ARSB: variants seen among roughly 807,000 people sequenced by gnomAD.
ARSB encodes N-acetylgalactosamine-4-sulfatase.
ARSB carries 41 observed loss-of-function variants against 50.9 expected under a neutral mutation model. The ratio of observed to expected loss-of-function variants is 0.81; its 90% CI spans 0.63 to 1.04. The LOEUF is 1.04. Ranked by LOEUF, ARSB falls within the 50% of genes least tolerant of loss-of-function variation. The pLI is 0.00. For synonymous variants in ARSB, 269 were observed against 284.8 expected (o/e 0.94, Z 0.56); for missense variants, 672 against 693.3 (o/e 0.97, Z 0.35).
intron 4 of ARSB, among the ~76,000 whole-genome samples, chr5:78,951,979 C>A (rs965845158): frequency 6.6e-6 from 1 of 152,104 alleles, no homozygotes; most frequent in African/African-American, 2.4e-5. Context: ...TAAATGAAAC[C>A]CTAGCAAACT....
chr5:78,865,110 A>AGGGGGTGACCTAGTAG (rs56143814), intron 5 of ARSB, among the ~76,000 whole-genome samples: 4 of 151,838 alleles, frequency 2.6e-5, no homozygotes, highest in Non-Finnish European at 4.4e-5. Flanking sequence ...CAGCTCCACT[A>AGGGGGTGACCTAGTAG]GGACTCCGTA....
chr5:78,800,394 C>A (rs984639570), intron 6 of ARSB, among the ~76,000 whole-genome samples: 1 of 151,600 alleles, frequency 6.6e-6, no homozygotes, highest in African/African-American at 2.4e-5. Flanking sequence ...GGAGCACTCA[C>A]AGACTCCCCT....
intron 6 of ARSB, among the ~76,000 whole-genome samples, chr5:78,829,169 G>A (rs977592420): frequency 3.9e-5 from 6 of 152,364 alleles, no homozygotes; most frequent in Admixed American, 3.3e-4. Flanking sequence ...TGAGACCCAT[G>A]TCAGACTTCT....
At chr5:78,980,716 G>T (rs1005079068) in intron 1 of ARSB, among the ~76,000 whole-genome samples, 1 of 148,008 alleles carries the variant, frequency 6.8e-6, no homozygotes, top group African/African-American at 2.5e-5. Flanking sequence ...GGAACTGAAT[G>T]TCTAAGGAAG....
chr5:78,842,138 C>A (rs558200214), intron 5 of ARSB, among the ~76,000 whole-genome samples: 1 of 152,074 alleles, frequency 6.6e-6, no homozygotes, highest in South Asian at 2.1e-4. Context: ...TAAGAAGGCA[C>A]AGAAACTGCA....
chr5:78,886,745 AAC>A (rs2112216397), intron 4 of ARSB, among the ~76,000 whole-genome samples: 1 of 152,084 alleles, frequency 6.6e-6, no homozygotes, highest in African/African-American at 2.4e-5. Context: ...CATTTTAAAT[AAC>A]ACATATTTTG....
At chr5:78,806,246 A>G (rs946496945) in intron 6 of ARSB, among the ~76,000 whole-genome samples, 1 of 152,240 alleles carries the variant, frequency 6.6e-6, no homozygotes, top group Non-Finnish European at 1.5e-5. Context: ...ATACAAAACA[A>G]TAACAAAGTC....
intron 5 of ARSB, among the ~76,000 whole-genome samples, chr5:78,849,714 G>C (rs1472358712): frequency 1.4e-5 from 2 of 144,036 alleles, no homozygotes; most frequent in East Asian, 2.0e-4. Context: ...TCTTCCATTT[G>C]TTTGTATCCT....
At chr5:78,830,937 A>G (rs1744644097) in intron 6 of ARSB, among the ~76,000 whole-genome samples, 6 of 152,154 alleles carry the variant, frequency 3.9e-5, no homozygotes, top group Admixed American at 3.9e-4. Flanking sequence ...AACCCAGCAG[A>G]TTTCAGATAT....
intron 6 of ARSB, among the ~76,000 whole-genome samples, chr5:78,838,304 T>G: frequency 6.6e-6 from 1 of 152,166 alleles, no homozygotes; most frequent in East Asian, 1.9e-4. Flanking sequence ...AAAATGTGTT[T>G]CAGGCATAGG....
intron 6 of ARSB, among the ~76,000 whole-genome samples, chr5:78,835,008 T>G (rs1744888986): frequency 6.8e-6 from 1 of 146,300 alleles, no homozygotes; most frequent in South Asian, 2.3e-4. Context: ...CTTTTCTTTC[T>G]TTCATTTTTT....
intron 5 of ARSB, among the ~76,000 whole-genome samples, chr5:78,879,768 T>C (rs909476727): frequency 6.6e-6 from 1 of 152,216 alleles, no homozygotes; most frequent in Non-Finnish European, 1.5e-5. Context: ...GGGTGCCAAA[T>C]GTTCTGCCAC....
chr5:78,782,362 G>T (rs1748951528), intron 6 of ARSB, among the ~76,000 whole-genome samples: 1 of 152,158 alleles, frequency 6.6e-6, no homozygotes, highest in Admixed American at 6.5e-5. Flanking sequence ...TATGTAAATA[G>T]TATAAGAAAT....
intron 4 of ARSB, among the ~76,000 whole-genome samples, chr5:78,920,648 G>A (rs1039929013): frequency 6.8e-6 from 1 of 147,370 alleles, no homozygotes; most frequent in Non-Finnish European, 1.5e-5. Context: ...GGGATGGGGT[G>A]AGCATCCCTC....
rs1408739927 is a variant in ARSB at position 78,885,818 on chromosome 5, C to T, written c.908G>A (p.Gly303Glu). The T allele has an allele frequency of 6.2e-7, 1 of 1,614,106 alleles. No homozygotes were observed. The highest frequency in any genetic ancestry group is 2.2e-5 in the East Asian group (1 of 44,882). ...TVFIFSTDNG[G>E]QTLAGGNNWP... ...GTTATTACCCCCTGCCAAAGTCTGC[C>T]CTCCGTTATCTGAAACACAGTAAGG... Residue 303 changes from glycine to glutamate, a missense_variant, in exon 5 of 8, where the codon GGG becomes GAG. Transcript: ENST00000264914.
At chr5:78,842,675 A>C (rs139192046) in intron 5 of ARSB, among the ~76,000 whole-genome samples, 30 of 152,252 alleles carry the variant, frequency 2.0e-4, no homozygotes, top group African/African-American at 6.7e-4. Context: ...TGGCCACTTA[A>C]ATTTGAGTAG....
At chr5:78,866,520 G>A (rs1251351801) in intron 5 of ARSB, among the ~76,000 whole-genome samples, 2 of 152,176 alleles carry the variant, frequency 1.3e-5, no homozygotes, top group Non-Finnish European at 2.9e-5. Flanking sequence ...AGAAAGAGAA[G>A]GTCACACCCA....
chr5:78,864,425 C>A (rs908900192), intron 5 of ARSB, among the ~76,000 whole-genome samples: 1 of 152,098 alleles, frequency 6.6e-6, no homozygotes, highest in African/African-American at 2.4e-5. Flanking sequence ...TTCACTACCA[C>A]GAGAACAGTA....
intron 1 of ARSB, among the ~76,000 whole-genome samples, chr5:78,981,641 G>A (rs1752909533): frequency 6.6e-6 from 1 of 152,220 alleles, no homozygotes; most frequent in African/African-American, 2.4e-5. Context: ...CAACTCCTCT[G>A]TTTCACAGAT....
Sources: allele counts gnomAD v4.1 joint callset (sites outside exome capture counted in the v4.1 genomes callset), GRCh38; gene constraint gnomAD v4.1.1; transcripts MANE v1.5; gene names NCBI Gene and HGNC (gene_info 2026-07-23, HGNC 2026-07-21).